PCDHA3: variants seen among roughly 807,000 people sequenced by gnomAD.
PCDHA3 encodes protocadherin alpha 3, also known as protocadherin alpha-3.
PCDHA3 carries 41 observed loss-of-function variants against 62.2 expected under a neutral mutation model. That is an observed-to-expected ratio of 0.66 (90% CI 0.51 to 0.86). The LOEUF (loss-of-function observed/expected upper bound fraction) is 0.86. PCDHA3 is among the 40% of genes least tolerant of loss of function. The pLI is 0.00. For missense variants in PCDHA3, 1,304 were observed against 1,241.2 expected, an observed-to-expected ratio of 1.05 and a Z score of -0.76; for synonymous variants, 640 against 555.4, an observed-to-expected ratio of 1.15 and a Z score of -2.14.
At chr5:140,896,346 G>T (rs1466880160) in intron 1 of PCDHA3, among the ~76,000 whole-genome samples, 18 of 151,992 alleles carry the variant, frequency 1.2e-4, no homozygotes, top group Non-Finnish European at 2.5e-4. Flanking sequence ...TTATATTCCC[G>T]CCAGCAGTGT....
chr5:140,926,812 G>T (rs908940607), intron 1 of PCDHA3: 28 of 1,458,972 alleles, frequency 1.9e-5, no homozygotes, highest in African/African-American at 2.8e-5. Flanking sequence ...CCCGCGGCTC[G>T]TGCTCTCCAG....
rs1379248044 is a variant in PCDHA3, at chr5:140,809,384, G to T, written c.2394+5793G>T. 7 of 1,614,062 alleles carry T rather than the reference G, an allele frequency of 4.3e-6. No homozygotes were observed. In the East Asian group the frequency reaches 1.3e-4, roughly 31 times the overall value. ...TGCGCTGCCCACCGAGGGCGCGTGC[G>T]CTCCGGGCAAGCCCACGCTGGTGTG... On this transcript the variant is annotated intron_variant, in intron 1 of 3. Coordinates refer to ENST00000522353, the MANE Select transcript of PCDHA3 (RefSeq NM_018906.3).
intron 1 of PCDHA3, among the ~76,000 whole-genome samples, chr5:140,844,638 T>C (rs1352233987): frequency 8.0e-5 from 12 of 149,752 alleles, no homozygotes; most frequent in African/African-American, 2.7e-4. Flanking sequence ...CTATACATGA[T>C]AATTTCATTC....
chr5:140,830,668 A>G (rs1269050211), intron 1 of PCDHA3: 1 of 382,460 alleles, frequency 2.6e-6, no homozygotes, highest in African/African-American at 2.1e-5. Flanking sequence ...TTTAAGTGAA[A>G]TTAGAAATCA....
intron 1 of PCDHA3, chr5:140,824,308 G>A (rs1768081787): frequency 2.5e-6 from 2 of 784,768 alleles, no homozygotes; most frequent in South Asian, 3.5e-5. Flanking sequence ...TGGGGTAATA[G>A]ATTCATCAGC....
chr5:140,870,944 CG>C, intron 1 of PCDHA3: 1 of 1,613,658 alleles, frequency 6.2e-7, no homozygotes, highest in Non-Finnish European at 8.5e-7. Flanking sequence ...CAGCCGGCGG[CG>C]GGCGGCTCGC....
chr5:140,837,608 A>G (rs1775145322), intron 1 of PCDHA3, among the ~76,000 whole-genome samples: 1 of 151,396 alleles, frequency 6.6e-6, no homozygotes. Flanking sequence ...TATATTTTAT[A>G]ATTTGCCCCT....
chr5:140,807,397 C>T, intron 1 of PCDHA3: 1 of 1,344,452 alleles, frequency 7.4e-7, no homozygotes, highest in Non-Finnish European at 1.0e-6. Flanking sequence ...CGTCCAAGGG[C>T]CGCGGAGGCC....
intron 1 of PCDHA3, chr5:140,822,338 C>A: frequency 1.9e-6 from 3 of 1,614,052 alleles, no homozygotes; most frequent in South Asian, 1.1e-5. Flanking sequence ...GAAGAAGAAA[C>A]GAACTTTTTA....
In PCDHA3 at chr5:140,857,556, T is replaced by C. The variant is rs781993692; in HGVS notation, c.2394+53965T>C. ...GAGCGGCGGTTGGGCGAGCGCTCGC[T>C]GTCGAGCTACGTGTCGGTGCACGCG... On this transcript the variant is annotated intron_variant, in intron 1 of 3. Coordinates refer to ENST00000522353, the MANE Select transcript of PCDHA3 (RefSeq NM_018906.3). 6 of 1,596,822 alleles carry C rather than the reference T, an allele frequency of 3.8e-6. No homozygotes were observed. In the Admixed American group the frequency reaches 1.0e-4, roughly 27 times the overall value.
At chr5:140,949,544 T>A (rs981428881) in intron 1 of PCDHA3, among the ~76,000 whole-genome samples, 1 of 151,908 alleles carries the variant, frequency 6.6e-6, no homozygotes, top group Non-Finnish European at 1.5e-5. Flanking sequence ...TATCGATTTG[T>A]TGCTGGTCAT....
chr5:140,904,716 G>T, intron 1 of PCDHA3, among the ~76,000 whole-genome samples: 1 of 151,886 alleles, frequency 6.6e-6, no homozygotes. Context: ...ACCACATTCT[G>T]GCCAACATCT....
intron 1 of PCDHA3, chr5:140,969,096 A>T: frequency 6.2e-7 from 1 of 1,614,162 alleles, no homozygotes; most frequent in Non-Finnish European, 8.5e-7. Flanking sequence ...GTGCAGCCTC[A>T]CTTCATTGAA....
chr5:140,991,445 A>G (rs1352709310), intron 3 of PCDHA3, among the ~76,000 whole-genome samples: 1 of 152,222 alleles, frequency 6.6e-6, no homozygotes, highest in African/African-American at 2.4e-5. Flanking sequence ...CATGGCTTAA[A>G]ACAACACAAT....
intron 1 of PCDHA3, among the ~76,000 whole-genome samples, chr5:140,918,414 T>G (rs2078683449): frequency 6.6e-6 from 1 of 152,198 alleles, no homozygotes; most frequent in African/African-American, 2.4e-5. Context: ...TGGCCAGGAC[T>G]TCCAGTAGGA....
intron 1 of PCDHA3, chr5:140,842,500 C>T: frequency 1.9e-6 from 3 of 1,613,834 alleles, no homozygotes; most frequent in Middle Eastern, 1.6e-4. Context: ...TGCCCCATGT[C>T]CCCTTCAAGC....
chr5:140,917,260 G>A (rs2077984179), intron 1 of PCDHA3, among the ~76,000 whole-genome samples: 2 of 143,736 alleles, frequency 1.4e-5, no homozygotes, highest in South Asian at 4.4e-4. Flanking sequence ...CTCACCTGAT[G>A]TTTGGTTTTT....
chr5:140,973,148 T>G (rs2096574239), intron 1 of PCDHA3, among the ~76,000 whole-genome samples: 1 of 152,210 alleles, frequency 6.6e-6, no homozygotes, highest in Non-Finnish European at 1.5e-5. Context: ...TTCACTTATT[T>G]TAAAGCAATT....
At chr5:140,809,620 A>ACG in intron 1 of PCDHA3, 1 of 1,511,684 alleles carries the variant, frequency 6.6e-7, no homozygotes, top group Non-Finnish European at 8.9e-7. Context: ...GTTTTTCTCT[A>ACG]TCAACTTCTT....
Sources: allele counts gnomAD v4.1 joint callset (sites outside exome capture counted in the v4.1 genomes callset), GRCh38; gene constraint gnomAD v4.1.1; transcripts MANE v1.5; gene names NCBI Gene and HGNC (gene_info 2026-07-23, HGNC 2026-07-21).